The following HEMK2 variants were observed in gnomAD, a reference collection of about 807,000 sequenced individuals.
HEMK2 encodes the protein HemK methyltransferase 2, ETF1 glutamine and histone H4 lysine.
chr21:28,728,772 T>C, the HEMK2 span, among the ~76,000 whole-genome samples: 1 of 152,252 alleles, frequency 6.6e-6, no homozygotes, highest in Admixed American at 6.5e-5. Flanking sequence ...GCTGTTTTTC[T>C]GATTTAAATA....
chr21:28,580,372 G>A, the HEMK2 span, among the ~76,000 whole-genome samples: 2 of 152,126 alleles, frequency 1.3e-5, no homozygotes, highest in African/African-American at 4.8e-5. Context: ...TTTGGAAAAG[G>A]AATGCAGCCT....
the HEMK2 span, among the ~76,000 whole-genome samples, chr21:28,609,611 C>T: frequency 8.1e-6 from 1 of 123,634 alleles, no homozygotes; most frequent in Non-Finnish European, 1.7e-5. Context: ...TTAAGCCAAT[C>T]AAGGAGGCAC....
the HEMK2 span, among the ~76,000 whole-genome samples, chr21:28,841,341 T>A: frequency 7.5e-5 from 1 of 13,394 alleles, no homozygotes; most frequent in South Asian, 1.7e-3. Flanking sequence ...AAATATATAT[T>A]ATATATATAA....
the HEMK2 span, among the ~76,000 whole-genome samples, chr21:28,855,073 G>A: frequency 2.0e-5 from 3 of 152,108 alleles, no homozygotes; most frequent in African/African-American, 7.2e-5. Context: ...AAAGTGGCAA[G>A]ATGAATAAAG....
At chr21:28,687,809 G>A in the HEMK2 span, among the ~76,000 whole-genome samples, 1 of 152,138 alleles carries the variant, frequency 6.6e-6, no homozygotes, top group African/African-American at 2.4e-5. Flanking sequence ...TAAGGATGGA[G>A]GCCTTCATCA....
the HEMK2 span, among the ~76,000 whole-genome samples, chr21:28,692,598 T>G: frequency 6.6e-6 from 1 of 152,134 alleles, no homozygotes; most frequent in Non-Finnish European, 1.5e-5. Context: ...TTTATTTATT[T>G]TTGATATTTT....
the HEMK2 span, among the ~76,000 whole-genome samples, chr21:28,689,769 T>C: frequency 1.3e-5 from 2 of 152,132 alleles, no homozygotes; most frequent in Admixed American, 6.5e-5. Flanking sequence ...TGTGATCACA[T>C]GAGCCCTTCA....
the HEMK2 span, among the ~76,000 whole-genome samples, chr21:28,598,574 C>A: frequency 1.3e-5 from 2 of 152,192 alleles, no homozygotes; most frequent in African/African-American, 2.4e-5. Context: ...GCCTCATGCA[C>A]CTTTTCTCTT....
At chr21:28,666,694 G>A in the HEMK2 span, among the ~76,000 whole-genome samples, 1 of 152,222 alleles carries the variant, frequency 6.6e-6, no homozygotes, top group East Asian at 1.9e-4. Context: ...AAAGGTAGAA[G>A]GGTAATAAAT....
chr21:28,728,484 A>G, the HEMK2 span, among the ~76,000 whole-genome samples: 2 of 117,330 alleles, frequency 1.7e-5, no homozygotes, highest in African/African-American at 8.5e-5. Flanking sequence ...CCAGAAATCC[A>G]TGAACATGGA....
the HEMK2 span, chr21:28,873,363 T>C: frequency 1.3e-5 from 2 of 152,188 alleles, no homozygotes; most frequent in Non-Finnish European, 2.9e-5. Flanking sequence ...ACACACAAAA[T>C]GTAGTTATAG....
chr21:28,600,540 T>C, the HEMK2 span, among the ~76,000 whole-genome samples: 2 of 152,236 alleles, frequency 1.3e-5, no homozygotes, highest in African/African-American at 4.8e-5. Context: ...TGATAAGGGC[T>C]GTCTCAAAAG....
chr21:28,655,292 T>C, the HEMK2 span, among the ~76,000 whole-genome samples: 7 of 152,060 alleles, frequency 4.6e-5, no homozygotes, highest in South Asian at 2.1e-4. Context: ...CAAACTAGTA[T>C]AGGGCAAAAA....
chr21:28,694,347 T>A, the HEMK2 span, among the ~76,000 whole-genome samples: 1 of 152,202 alleles, frequency 6.6e-6, no homozygotes, highest in Non-Finnish European at 1.5e-5. Flanking sequence ...AACATACACA[T>A]CATCTTTGAA....
chr21:28,713,040 C>G, the HEMK2 span, among the ~76,000 whole-genome samples: 1 of 152,148 alleles, frequency 6.6e-6, no homozygotes, highest in East Asian at 1.9e-4. Flanking sequence ...TAAATAAGGA[C>G]AAAGGTACTC....
At chr21:28,630,012 A>G in the HEMK2 span, among the ~76,000 whole-genome samples, 1 of 152,152 alleles carries the variant, frequency 6.6e-6, no homozygotes, top group Admixed American at 6.5e-5. Flanking sequence ...AACTTCACAC[A>G]ATTTGTGAGT....
chr21:28,635,991 A>G, the HEMK2 span, among the ~76,000 whole-genome samples: 1 of 152,186 alleles, frequency 6.6e-6, no homozygotes, highest in South Asian at 2.1e-4. Flanking sequence ...TGCATAGACC[A>G]CCCCGTTGCA....
the HEMK2 span, among the ~76,000 whole-genome samples, chr21:28,850,088 G>GA: frequency 4.0e-5 from 6 of 151,572 alleles, no homozygotes; most frequent in African/African-American, 1.5e-4. Flanking sequence ...CAAAATGAAA[G>GA]AAAAAATGTT....
At chr21:28,629,273 G>T in the HEMK2 span, among the ~76,000 whole-genome samples, 1 of 152,134 alleles carries the variant, frequency 6.6e-6, no homozygotes, top group South Asian at 2.1e-4. Flanking sequence ...GGAGGAGGTG[G>T]GTGGCAAATT....
Sources: gnomAD v4.1 joint callset for allele counts (sites outside exome capture counted in the v4.1 genomes callset) on GRCh38, gnomAD v4.1.1 for gene constraint, MANE v1.5 for transcripts, NCBI Gene and HGNC (gene_info 2026-07-23, HGNC 2026-07-21) for gene names.